Variants in NHS observed in about 807,000 individuals in gnomAD.
NHS encodes the protein actin remodeling regulator NHS.
Under a neutral mutation model 72.5 loss-of-function variants are expected in NHS, and 5 were observed. The observed-to-expected ratio is 0.07, with a 90% CI of 0.04 to 0.14. NHS has a LOEUF of 0.14. NHS is among the 10% of genes least tolerant of loss of function. The pLI, the probability that NHS is intolerant of heterozygous loss-of-function variation, is 1.00. For synonymous variants in NHS, 464 were observed against 547.7 expected, an observed-to-expected ratio of 0.85 and a Z score of 2.13; for missense variants, 1,072 against 1,355.7, an observed-to-expected ratio of 0.79 and a Z score of 3.29.
intron 7 of NHS, 133 bp from the exon 8 acceptor site, chrX:17,728,516 T>A: frequency 6.1e-6 from 6 of 978,499 alleles, no homozygotes; most frequent in Non-Finnish European, 8.7e-6. Context: ...CAGGTATCTC[T>A]CTCATTTTTA....
intron 1 of NHS, among the ~76,000 whole-genome samples, chrX:17,653,738 C>A (rs2065940936): frequency 9.0e-6 from 1 of 111,301 alleles, no homozygotes; most frequent in Non-Finnish European, 1.9e-5. Context: ...CGAGGGCAGC[C>A]ATTTTGCTCA....
Position 17,376,076 on chromosome X carries a change from G to T in NHS, c.319G>T (p.Gly107Cys). The T allele has an allele frequency of 9.4e-7, 1 of 1,066,606 alleles. No homozygotes were observed. Among genetic ancestry groups the T allele is most frequent in the Non-Finnish European group, 1.2e-6 (1 of 833,494 alleles). 87.9% of individuals were successfully genotyped at this position (1,066,606 alleles called of 1,213,427 possible). The change falls in exon 1 of 9, where the codon GGC becomes TGC. Residue 107 changes from glycine to cysteine, a missense_variant. Coordinates refer to ENST00000676302, the MANE Select transcript of NHS (RefSeq NM_001291867.2). ...AGIPEAAPAA[G>C]EASSAAAAAA... Reference sequence around the variant, plus strand: ...GATCCCGGAGGCGGCGCCCGCAGCCGGCGAGGCGTCCTCGGCGGCGGCGGC... The same window carrying T: ...GATCCCGGAGGCGGCGCCCGCAGCCTGCGAGGCGTCCTCGGCGGCGGCGGC...
chrX:17,569,579 G>C (rs893996072), intron 1 of NHS, among the ~76,000 whole-genome samples: 4 of 112,052 alleles, frequency 3.6e-5, no homozygotes, highest in African/African-American at 1.3e-4. Context: ...CCCTTTGTCA[G>C]ATGAATACAT....
intron 1 of NHS, among the ~76,000 whole-genome samples, chrX:17,436,585 C>T (rs1236544428): frequency 1.9e-5 from 2 of 105,068 alleles, no homozygotes; most frequent in African/African-American, 3.5e-5. Context: ...GCCATTTTGC[C>T]GGGAGATTCT....
At chrX:17,410,525 T>TG (rs1461705774) in intron 1 of NHS, among the ~76,000 whole-genome samples, 1 of 105,840 alleles carries the variant, frequency 9.4e-6, no homozygotes, top group Non-Finnish European at 1.9e-5. Context: ...GCTTTTTTTT[T>TG]TTTTTTTTTT....
At chrX:17,634,823 G>C (rs2065837780) in intron 1 of NHS, among the ~76,000 whole-genome samples, 1 of 111,959 alleles carries the variant, frequency 8.9e-6, no homozygotes, top group South Asian at 3.7e-4. Context: ...CTTTCGGTGT[G>C]TGCGCAAATA....
intron 1 of NHS, chrX:17,426,073 T>C (rs1447867255): frequency 8.9e-6 from 1 of 112,241 alleles, no homozygotes; most frequent in African/African-American, 3.2e-5. Context: ...TTCTCAGAAA[T>C]TCCAGTGGTG....
At chrX:17,469,329 A>G (rs1021355065) in intron 1 of NHS, among the ~76,000 whole-genome samples, 3 of 112,433 alleles carry the variant, frequency 2.7e-5, no homozygotes, top group African/African-American at 9.7e-5. Context: ...TTGGGTATAT[A>G]TCCAAGGGAG....
chrX:17,475,875 C>A (rs1024802226), intron 1 of NHS, among the ~76,000 whole-genome samples: 3 of 112,043 alleles, frequency 2.7e-5, no homozygotes, highest in African/African-American at 9.7e-5. Context: ...TGCTCTTTGC[C>A]TCTCATTTCA....
intron 1 of NHS, among the ~76,000 whole-genome samples, chrX:17,429,257 TGC>T (rs1491379912): frequency 9.4e-6 from 1 of 106,562 alleles, no homozygotes; most frequent in East Asian, 3.1e-4. Context: ...TGTGTGTGTG[TGC>T]ACACGTGCGC....
intron 1 of NHS, among the ~76,000 whole-genome samples, chrX:17,406,280 C>T (rs757514414): frequency 1.8e-5 from 2 of 111,602 alleles, no homozygotes; most frequent in Non-Finnish European, 3.8e-5. Context: ...GCCATTTCCA[C>T]CCCAAACCCC....
intron 1 of NHS, among the ~76,000 whole-genome samples, chrX:17,583,921 G>T (rs1167246729): frequency 8.9e-6 from 1 of 112,132 alleles, no homozygotes; most frequent in Admixed American, 9.4e-5. Flanking sequence ...ATCCAATTAT[G>T]CAAATGGATG....
intron 1 of NHS, among the ~76,000 whole-genome samples, chrX:17,607,086 G>C (rs1005025296): frequency 5.4e-5 from 6 of 111,430 alleles, no homozygotes; most frequent in African/African-American, 2.0e-4. Context: ...CAGGACTCAA[G>C]TTGCCCCTCT....
At chrX:17,390,629 G>A (rs2064440129) in intron 1 of NHS, among the ~76,000 whole-genome samples, 1 of 111,833 alleles carries the variant, frequency 8.9e-6, no homozygotes, top group Non-Finnish European at 1.9e-5. Flanking sequence ...GGGTTCCCTG[G>A]AAGATTTTCA....
chrX:17,732,356 T>C lies in NHS; in HGVS notation c.4848T>C (p.Ser1616=), dbSNP rs746465502. 2 of 1,211,509 alleles carry C rather than the reference T, an allele frequency of 1.7e-6. No individual in the cohort carries two copies. Among genetic ancestry groups the C allele is most frequent in the Non-Finnish European group, 2.2e-6 (2 of 895,526 alleles). ...APPAASSSRY[S]VRCRLYNTPM... is the part of the protein sequence containing the mutation. ...CTGCAGCCAGCAGCAGCCGCTACAG[T>C]GTCCGCTGCCGGCTGTACAATACGC... Residue 1616 remains serine, a synonymous_variant, in exon 9 of 9, where the codon AGT becomes AGC. Transcript: ENST00000676302.
intron 1 of NHS, among the ~76,000 whole-genome samples, chrX:17,615,806 G>T (rs1337959473): frequency 1.9e-5 from 1 of 51,389 alleles, no homozygotes; most frequent in Non-Finnish European, 3.3e-5. Flanking sequence ...ACAACATCCT[G>T]CATGCCTATC....
chrX:17,549,266 G>T (rs749421745), intron 1 of NHS, among the ~76,000 whole-genome samples: 1 of 110,705 alleles, frequency 9.0e-6, no homozygotes, highest in East Asian at 2.9e-4. Flanking sequence ...GGCTTTTCTG[G>T]AAACTGTGGA....
chrX:17,605,921 T>C (rs1203397438), intron 1 of NHS, among the ~76,000 whole-genome samples: 2 of 112,093 alleles, frequency 1.8e-5, no homozygotes, highest in Non-Finnish European at 3.8e-5. Flanking sequence ...GCAGTATTGC[T>C]TATAGTAGAA....
intron 1 of NHS, among the ~76,000 whole-genome samples, chrX:17,561,509 C>T (rs1019762987): frequency 9.3e-6 from 1 of 107,199 alleles, no homozygotes; most frequent in Non-Finnish European, 1.9e-5. Context: ...CTATACTCCT[C>T]AAGCCACTGG....
Sources: gnomAD v4.1 joint callset for allele counts (sites outside exome capture counted in the v4.1 genomes callset) on GRCh38, gnomAD v4.1.1 for gene constraint, MANE v1.5 for transcripts, NCBI Gene and HGNC (gene_info 2026-07-23, HGNC 2026-07-21) for gene names.